Variants in PLXNB2 observed in about 807,000 individuals in gnomAD.
PLXNB2 encodes plexin B2, also known as plexin-B2.
PLXNB2 carries 85 observed loss-of-function variants against 202.6 expected under a neutral mutation model. The ratio of observed to expected loss-of-function variants is 0.42; its 90% CI spans 0.35 to 0.50. The LOEUF is 0.50. Among genes scored for constraint, PLXNB2 ranks in the 20% least tolerant of loss-of-function variants. PLXNB2 has a pLI of 0.02. For missense variants in PLXNB2, 2,063 were observed against 2,586.2 expected (o/e 0.80, Z 4.39); for synonymous variants, 1,239 against 1,137.6 (o/e 1.09, Z -1.79).
In PLXNB2 at chr22:50,290,528, G is replaced by A. The variant is rs760874324; in HGVS notation, c.57C>T (p.Ser19=). The change falls in exon 3 of 37, where the codon AGC becomes AGT. Residue 19 remains serine (S), a synonymous_variant. Coordinates refer to ENST00000359337, the MANE Select transcript of PLXNB2 (RefSeq NM_012401.4). ...AGAAGTCCAGCTTGCGGGGCCTCAG[G>A]CTGGCACCTGCGCCCAGCAGGCCCA... is the stretch of plus-strand genomic sequence containing the variant. ...TLLGLLGAGA[S]LRPRKLDFFR... 2.5e-6 allele frequency: 4 copies of A among 1,612,276 alleles called. No individual in the cohort carries two copies. Among genetic ancestry groups the A allele is most frequent in the Middle Eastern group, 3.4e-4 (2 of 5,840 alleles).
At chr22:50,279,156 G>A (rs915319733) in intron 27 of PLXNB2, 145 bp from the exon 28 acceptor site, 12 of 791,178 alleles carry the variant, frequency 1.5e-5, no homozygotes, top group African/African-American at 8.7e-5. Context: ...CCGAGCCCCC[G>A]AGGCTTCCCA....
rs375224978 is a variant in PLXNB2, at chr22:50,284,698, C to T, written c.2089-33G>A. The T allele has an allele frequency of 7.5e-5, 116 of 1,543,174 alleles. No individual in the cohort carries two copies. Among genetic ancestry groups the T allele is most frequent in the Admixed American group, 1.0e-4 (6 of 59,794 alleles). The stretch of plus-strand genomic sequence containing the variant: ...CCATGCCGTCAGGACCCTGGACAGG[C>T]GGCTGTGGCACCCTGGCCCTCCTCC... On this transcript the variant is annotated intron_variant, in intron 11 of 36. Transcript: ENST00000359337. The surrounding 1 kb of genome is among the most constrained non-coding windows in gnomAD (Gnocchi z 8.0).
At position 50,279,710 on chromosome 22, in the gene PLXNB2, C is replaced by T. The variant is rs765703084; in HGVS notation, c.4309G>A (p.Val1437Met). The part of the protein sequence containing the change: ...AIKHQVEKGP[V>M]DAVQKKAKYT... ...TTGGCCTTCTTCTGTACCGCATCCA[C>T]CGGGCCCTTTTCCACCTGATGTTTG... Residue 1437 changes from valine to methionine, a missense_variant, in exon 27 of 37, where the codon GTG becomes ATG. Coordinates refer to ENST00000359337, the MANE Select transcript of PLXNB2 (RefSeq NM_012401.4). The T allele has an allele frequency of 1.9e-6, 3 of 1,614,006 alleles. No individual in the cohort carries two copies. Among genetic ancestry groups the T allele is most frequent in the Non-Finnish European group, 2.5e-6 (3 of 1,179,950 alleles).
intron 32 of PLXNB2, 35 bp downstream of exon 32, chr22:50,277,818 C>A (rs376730676): frequency 3.1e-6 from 5 of 1,605,746 alleles, no homozygotes; most frequent in Non-Finnish European, 3.4e-6. Context: ...GAGGCGGAGC[C>A]GGGGCTGGGC....
rs1003761614 is a variant in PLXNB2, at chr22:50,288,312, T to A, written c.1381-275A>T. Among the ~76,000 whole-genome samples the A allele has an allele frequency of 6.6e-6, 1 of 152,072 alleles. No individual in the cohort carries two copies. The highest frequency in any genetic ancestry group is 6.5e-5 in the Admixed American group (1 of 15,276). On this transcript the variant is annotated intron_variant, in intron 5 of 36. Transcript: ENST00000359337. The surrounding 1 kb of genome is among the most constrained non-coding windows in gnomAD (Gnocchi z 5.0). ...ACTGGCTCCCTCCGAGGGGTGCTCC[T>A]AGGGCTGGCCTGAGGGTCTCTGGCA...
chr22:50,286,574 A>G (rs534459657), intron 8 of PLXNB2, among the ~76,000 whole-genome samples: 5 of 152,294 alleles, frequency 3.3e-5, no homozygotes, highest in South Asian at 4.1e-4. Flanking sequence ...CCCCGGGTCC[A>G]GGTTGCTTTC....
intron 1 of PLXNB2, among the ~76,000 whole-genome samples, chr22:50,307,073 G>C (rs1301344220): frequency 6.6e-6 from 1 of 152,168 alleles, no homozygotes; most frequent in Admixed American, 6.5e-5. Flanking sequence ...AGGCAGTGGG[G>C]TCTCGCCAGG....
intron 1 of PLXNB2, 46 bp downstream of exon 1, chr22:50,307,507 C>G (rs1211124967): frequency 1.1e-6 from 1 of 942,140 alleles, no homozygotes; most frequent in Non-Finnish European, 1.3e-6. Context: ...GCCCCCCCCA[C>G]GCCCAGCGAG....
chr22:50,289,015 G>A lies in PLXNB2; in HGVS notation c.1196C>T (p.Ala399Val). ...GLNLTAVTVA[A>V]ENNHTVAFLG... Reference sequence around the variant, plus strand: ...AAAAGCAACAGTGTGGTTGTTCTCGGCGGCGACCGTCACGGCCGTGAGGTT... The same window carrying A: ...AAAAGCAACAGTGTGGTTGTTCTCGACGGCGACCGTCACGGCCGTGAGGTT... Residue 399 changes from alanine (A) to valine (V), a missense_variant, in exon 4 of 37, where the codon GCC becomes GTC. Physicochemically the swap from Ala to Val is moderately conservative, Grantham distance 64. Coordinates refer to ENST00000359337, the MANE Select transcript of PLXNB2 (RefSeq NM_012401.4). This position sits in a 1 kb window ranked among gnomAD's most constrained non-coding sequence, Gnocchi z 8.0. 1 of 1,610,488 alleles carries A rather than the reference G, an allele frequency of 6.2e-7. No homozygotes were observed. Among genetic ancestry groups the A allele is most frequent in the Non-Finnish European group, 8.5e-7 (1 of 1,178,332 alleles).
rs753615374 is a variant in PLXNB2 at position 50,281,842 on chromosome 22, C to T, written c.3345+12G>A. The stretch of plus-strand genomic sequence containing the variant: ...AGCAGGACCCAGACACCCGGGGCTG[C>T]ACCGTCCTCACCCGGGCGTGGATGA... On this transcript the variant is annotated intron_variant, in intron 20 of 36. Transcript: ENST00000359337. 1.9e-6 allele frequency: 3 copies of T among 1,607,872 alleles called. No individual in the cohort carries two copies. The highest frequency in any genetic ancestry group is 1.7e-5 in the Admixed American group (1 of 59,878).
Position 50,278,597 on chromosome 22 carries a change from T to C in PLXNB2, c.4646A>G (p.Asn1549Ser). 3 of 1,612,054 alleles carry C rather than the reference T, an allele frequency of 1.9e-6. No individual in the cohort carries two copies. Among genetic ancestry groups the C allele is most frequent in the Non-Finnish European group, 2.5e-6 (3 of 1,179,128 alleles). ...WKRVNTLMHY[N>S]VRDGATLILS... is the part of the protein sequence containing the mutation. ...GCCCGCCCCGGCCTACACGCTCACATTGTAGTGCATAAGGGTGTTGACGCG... is the reference window on the plus strand; with the variant it reads ...GCCCGCCCCGGCCTACACGCTCACACTGTAGTGCATAAGGGTGTTGACGCG... Residue 1549 changes from asparagine to serine, a missense_variant and splice_region_variant, in exon 29 of 37, where the codon AAT becomes AGT. Around this residue, in one of 2 missense-constraint regions of PLXNB2, gnomAD observed 760 missense variants for 1,109.4 expected, o/e 0.69. Transcript: ENST00000359337.
chr22:50,282,477 G>C (rs1179776892), intron 18 of PLXNB2, 164 bp from the exon 19 acceptor site: 9 of 774,338 alleles, frequency 1.2e-5, no homozygotes, highest in Non-Finnish European at 1.6e-5. Context: ...CTGAGCACGA[G>C]ACTGTGCCGC....
rs1311490512 is a variant in PLXNB2, at chr22:50,291,915, C to T, written c.-13-1318G>A. 6.6e-6 allele frequency among the ~76,000 whole-genome samples: 1 copy of T among 152,214 alleles called. No individual in the cohort carries two copies. The highest frequency in any genetic ancestry group is 2.4e-5 in the African/African-American group (1 of 41,456). On this transcript the variant is annotated intron_variant, in intron 2 of 36. Transcript: ENST00000359337. This position sits in a 1 kb window ranked among gnomAD's most constrained non-coding sequence, Gnocchi z 4.3. ...TTACGAGGGATGGAGGCCCTGGCCT[C>T]CCCCACCTCCCTGTGCAGGCCCACC... is the stretch of plus-strand genomic sequence containing the variant.
intron 16 of PLXNB2, 31 bp from the exon 17 acceptor site, chr22:50,283,217 G>A: frequency 4.4e-6 from 7 of 1,600,316 alleles, no homozygotes; most frequent in Non-Finnish European, 6.0e-6. Context: ...CTCGGGTGAG[G>A]ACGGGGCACA....
chr22:50,275,876 G>C lies in PLXNB2; in HGVS notation c.5412+13C>G. 6.2e-7 allele frequency: 1 copy of C among 1,612,248 alleles called. No homozygotes were observed. The highest frequency in any genetic ancestry group is 8.5e-7 in the Non-Finnish European group (1 of 1,179,658). On this transcript the variant is annotated intron_variant, in intron 36 of 36. Coordinates refer to ENST00000359337, the MANE Select transcript of PLXNB2 (RefSeq NM_012401.4). ...CACCCCACCTGCCCCCGCCCCCGGG[G>C]GCCTGACCCTACCTCGTCATAGTAC...
In PLXNB2 at chr22:50,281,668, C is replaced by T. The variant is rs2066001749; in HGVS notation, c.3420G>A (p.Lys1140=). The change falls in exon 21 of 37, where the codon AAG becomes AAA. Residue 1140 remains lysine, a synonymous_variant. Coordinates refer to ENST00000359337, the MANE Select transcript of PLXNB2 (RefSeq NM_012401.4). ...AFVGAERCTM[K]TLTETDLYCE... ...AGTACAGGTCGGTCTCCGTCAGCGT[C>T]TTCATGGTGCAGCGCTCGGCACCCA... 6.3e-7 allele frequency: 1 copy of T among 1,585,862 alleles called. No individual in the cohort carries two copies. Among genetic ancestry groups the T allele is most frequent in the Admixed American group, 1.7e-5 (1 of 57,684 alleles).
At chr22:50,307,298 G>A (rs896190004) in intron 1 of PLXNB2, among the ~76,000 whole-genome samples, 3 of 152,048 alleles carry the variant, frequency 2.0e-5, no homozygotes, top group African/African-American at 4.8e-5. Flanking sequence ...ACGCGGCTCC[G>A]GAGGGACGCG....
chr22:50,276,911 T>C lies in PLXNB2; in HGVS notation c.5197-5A>G, dbSNP rs1299469259. Reference sequence around the variant, plus strand: ...CAGCTTGTTGCTGGGAGAATCCTGTTGGGGACAAAACCCAGTGATGCCTGG... The same window carrying C: ...CAGCTTGTTGCTGGGAGAATCCTGTCGGGGACAAAACCCAGTGATGCCTGG... On this transcript the variant is annotated splice_polypyrimidine_tract_variant and splice_region_variant and intron_variant, in intron 33 of 36. Coordinates refer to ENST00000359337, the MANE Select transcript of PLXNB2 (RefSeq NM_012401.4). 6.3e-7 allele frequency: 1 copy of C among 1,594,570 alleles called. No homozygotes were observed. Among genetic ancestry groups the C allele is most frequent in the Non-Finnish European group, 8.5e-7 (1 of 1,170,200 alleles).
At chr22:50,294,226 G>C (rs985873876) in intron 2 of PLXNB2, among the ~76,000 whole-genome samples, 1 of 152,236 alleles carries the variant, frequency 6.6e-6, no homozygotes, top group African/African-American at 2.4e-5. Context: ...ATTTCCTCGG[G>C]CCCTCTGGTG....
Sources: allele counts gnomAD v4.1 joint callset (sites outside exome capture counted in the v4.1 genomes callset), GRCh38; gene constraint gnomAD v4.1.1; regional missense constraint gnomAD v4.1.1; non-coding constraint Gnocchi (gnomAD v3.1); transcripts MANE v1.5; gene names NCBI Gene and HGNC (gene_info 2026-07-23, HGNC 2026-07-21).